Variants in RNF135 observed in about 807,000 individuals in gnomAD.
RNF135 encodes E3 ubiquitin-protein ligase RNF135.
Under a neutral mutation model 41.9 loss-of-function variants are expected in RNF135, and 46 were observed. That is an observed-to-expected ratio of 1.10 (90% confidence interval 0.87 to 1.40). The LOEUF is 1.40. RNF135 is among the 40% of genes most tolerant of loss of function. The pLI is 0.00. For synonymous variants in RNF135, 238 were observed against 223.8 expected, an observed-to-expected ratio of 1.06 and a Z score of -0.57; for missense variants, 539 against 549.8, an observed-to-expected ratio of 0.98 and a Z score of 0.20.
At position 30,998,701 on chromosome 17, in the gene RNF135, G is replaced by A; in HGVS notation, c.809G>A (p.Cys270Tyr). 2 of 1,613,614 alleles carry A rather than the reference G, an allele frequency of 1.2e-6. No individual in the cohort carries two copies. The highest frequency in any genetic ancestry group is 1.7e-6 in the Non-Finnish European group (2 of 1,179,910). Reference sequence around the variant, plus strand: ...ACCTTTAACTTGAAGAGCCTTTCCTGCAGCCTGGAGGTGTCCAAGGATTCC... The same window carrying A: ...ACCTTTAACTTGAAGAGCCTTTCCTACAGCCTGGAGGTGTCCAAGGATTCC... ...HPTFNLKSLS[C>Y]SLEVSKDSRT... The change falls in exon 5 of 5, where the codon TGC becomes TAC. Residue 270 changes from cysteine to tyrosine, a missense_variant. Coordinates refer to ENST00000328381, the MANE Select transcript of RNF135 (RefSeq NM_032322.4).
At chr17:30,987,191 C>T (rs935862999) in intron 2 of RNF135, among the ~76,000 whole-genome samples, 3 of 150,390 alleles carry the variant, frequency 2.0e-5, no homozygotes, top group Non-Finnish European at 1.5e-5. Context: ...GGAGCTCTTG[C>T]GAAGTGAAAT....
chr17:30,966,319 T>A (rs750212916), upstream of RNF135, among the ~76,000 whole-genome samples: 11 of 151,678 alleles, frequency 7.3e-5, no homozygotes, highest in African/African-American at 1.4e-4. Context: ...AGTGAATACT[T>A]CTTTTTTTAT....
At chr17:30,992,456 G>T (rs1265436093) in intron 3 of RNF135, among the ~76,000 whole-genome samples, 1 of 151,332 alleles carries the variant, frequency 6.6e-6, no homozygotes, top group South Asian at 2.1e-4. Context: ...GCAATTCCTG[G>T]TCTCTAAATG....
Position 30,984,696 on chromosome 17 carries a change from G to T in RNF135, c.452G>T (p.Ser151Ile), listed in dbSNP as rs752465174. Reference protein sequence around the residue: ...LVEHLVDIVRSLQNQRPLSES... With the variant: ...LVEHLVDIVRILQNQRPLSES... The stretch of plus-strand genomic sequence containing the variant: ...GAACATCTTGTAGACATTGTCAGAA[G>T]CCTGCAGAATCAGAGGCCCCTATCA... The change falls in exon 2 of 5, where the codon AGC becomes ATC. Residue 151 changes from serine to isoleucine, a missense_variant. By Grantham distance (142) the Ser-to-Ile change is moderately radical. Coordinates refer to ENST00000328381, the MANE Select transcript of RNF135 (RefSeq NM_032322.4). 60 of 1,614,054 alleles carry T rather than the reference G, an allele frequency of 3.7e-5. No homozygotes were observed. The South Asian group carries it at 6.1e-4, about 17-fold the overall frequency.
chr17:30,970,645 T>G, upstream of RNF135: 1 of 201,366 alleles, frequency 5.0e-6, no homozygotes, highest in Non-Finnish European at 1.0e-5. Flanking sequence ...CGTGGGCTCA[T>G]TCTCATAAAT....
intron 3 of RNF135, among the ~76,000 whole-genome samples, chr17:30,991,828 T>G (rs1908011189): frequency 6.6e-6 from 1 of 152,224 alleles, no homozygotes; most frequent in African/African-American, 2.4e-5. Context: ...ATTAAACTTT[T>G]GTCTGTTATA....
rs2142707418 is a variant in RNF135 at position 30,984,635 on chromosome 17, A to G, written c.391A>G (p.Ile131Val). 6.2e-7 allele frequency: 1 copy of G among 1,614,232 alleles called. No individual in the cohort carries two copies. Among genetic ancestry groups the G allele is most frequent in the Non-Finnish European group, 8.5e-7 (1 of 1,180,042 alleles). Residue 131 changes from isoleucine (I) to valine (V), a missense_variant, in exon 2 of 5, where the codon ATC (isoleucine) becomes GTC (valine). Coordinates refer to ENST00000328381, the MANE Select transcript of RNF135 (RefSeq NM_032322.4). ...ELQRVAVEKS[I>V]TEVAQELTEL... ...TTTGAAGGTGGCAGTAGAGAAGAGC[A>G]TCACAGAAGTTGCTCAGGAGCTGAC...
chr17:30,995,974 G>A (rs1016179447), intron 3 of RNF135, among the ~76,000 whole-genome samples: 2 of 150,984 alleles, frequency 1.3e-5, no homozygotes, highest in African/African-American at 4.9e-5. Flanking sequence ...ATGGGGTTTC[G>A]CCATGTTGGC....
chr17:30,965,724 T>G, the RNF135 span, among the ~76,000 whole-genome samples: 1 of 151,506 alleles, frequency 6.6e-6, no homozygotes, highest in Non-Finnish European at 1.5e-5. Context: ...GTCAAATCAG[T>G]CTCCCCAAAG....
chr17:30,971,233 G>A lies in RNF135; in HGVS notation c.160G>A (p.Ala54Thr), dbSNP rs1489881038. The A allele has an allele frequency of 2.6e-6, 4 of 1,513,316 alleles. No homozygotes were observed. Among genetic ancestry groups the A allele is most frequent in the Non-Finnish European group, 3.5e-6 (4 of 1,137,364 alleles). The allele number at this position is 1,513,316 out of a possible 1,614,324, so 93.7% of individuals were successfully genotyped here. ...GGAGGCCCTGTGGGGCGCCCGCGACGCCCGCCGCTGGGCCTGCCCCACTTG... is the reference window on the plus strand; with the variant it reads ...GGAGGCCCTGTGGGGCGCCCGCGACACCCGCCGCTGGGCCTGCCCCACTTG... ...CLEALWGARD[A>T]RRWACPTCRQ... Residue 54 changes from alanine to threonine, a missense_variant, in exon 1 of 5, where the codon GCC becomes ACC. By Grantham distance (58) the Ala-to-Thr change is moderately conservative. This residue lies in a region of RNF135 where 277 missense variants were observed against 212.8 expected (regional missense o/e 1.30). Coordinates refer to ENST00000328381, the MANE Select transcript of RNF135 (RefSeq NM_032322.4).
intron 1 of RNF135, among the ~76,000 whole-genome samples, chr17:30,983,348 TA>T (rs61494945): frequency 4.8e-4 from 18 of 37,764 alleles, no homozygotes; most frequent in African/African-American, 1.4e-3. Flanking sequence ...TATATATATA[TA>T]TATATTTTTT....
intron 3 of RNF135, chr17:30,993,736 T>G (rs1288922195): frequency 1.1e-6 from 1 of 951,284 alleles, no homozygotes; most frequent in Non-Finnish European, 1.5e-6. Flanking sequence ...TTCAGTAGGT[T>G]TTGCAAATGC....
At chr17:30,998,450 A>G (rs1018642444) in intron 4 of RNF135, among the ~76,000 whole-genome samples, 1 of 152,214 alleles carries the variant, frequency 6.6e-6, no homozygotes, top group Admixed American at 6.5e-5. Flanking sequence ...GTTTCAATAC[A>G]TATGGTGCAT....
chr17:30,959,618 A>G, the RNF135 span: 1 of 152,022 alleles, frequency 6.6e-6, no homozygotes, highest in Non-Finnish European at 1.5e-5. Flanking sequence ...AGGTGGGAAG[A>G]TCATTTGAGC....
At chr17:30,979,812 A>T (rs1249059598) in intron 1 of RNF135, among the ~76,000 whole-genome samples, 6 of 65,470 alleles carry the variant, frequency 9.2e-5, no homozygotes, top group South Asian at 6.2e-4. Flanking sequence ...CGGGGGGCTG[A>T]CCCCCCCACC....
chr17:30,979,853 G>C (rs1161924737), intron 1 of RNF135, among the ~76,000 whole-genome samples: 1 of 123,862 alleles, frequency 8.1e-6, no homozygotes, highest in Admixed American at 7.8e-5. Context: ...TGGCCAGGCG[G>C]GGGGGCTGAC....
At chr17:30,981,186 C>T (rs1384430957) in intron 1 of RNF135, among the ~76,000 whole-genome samples, 3 of 149,720 alleles carry the variant, frequency 2.0e-5, no homozygotes, top group Admixed American at 6.6e-5. Flanking sequence ...AGCGAAACCC[C>T]GTCTCCACCA....
chr17:30,997,452 TC>T, intron 4 of RNF135, 121 bp downstream of exon 4: 1 of 860,516 alleles, frequency 1.2e-6, no homozygotes, highest in Non-Finnish European at 1.9e-6. Context: ...ATGGATTTGT[TC>T]CAGGTCCCTC....
the RNF135 span, chr17:30,959,387 C>T: frequency 6.6e-6 from 1 of 152,120 alleles, no homozygotes; most frequent in African/African-American, 2.4e-5. Context: ...ATATTAAATC[C>T]CTTTTTCCCT....
Sources: allele counts gnomAD v4.1 joint callset (sites outside exome capture counted in the v4.1 genomes callset), GRCh38; gene constraint gnomAD v4.1.1; regional missense constraint gnomAD v4.1.1; transcripts MANE v1.5; gene names NCBI Gene and HGNC (gene_info 2026-07-23, HGNC 2026-07-21).